Variants in EXOC4 observed in about 807,000 individuals in gnomAD.
EXOC4 encodes SEC8-like 1.
Under a neutral mutation model 107.2 loss-of-function variants are expected in EXOC4, and 71 were observed. That is an observed-to-expected ratio of 0.66 (90% CI 0.55 to 0.81). The LOEUF is 0.81. Among genes scored for constraint, EXOC4 ranks in the 30% least tolerant of loss-of-function variants. The probability of loss-of-function intolerance (pLI) is 0.00; values close to 1 mark genes in which losing one functional copy is unlikely to be tolerated. For missense variants in EXOC4, 1,108 were observed against 1,189.6 expected, an observed-to-expected ratio of 0.93 and a Z score of 1.01; for synonymous variants, 456 against 441.2, an observed-to-expected ratio of 1.03 and a Z score of -0.42.
chr7:134,049,725 C>G (rs1795737990), intron 17 of EXOC4, among the ~76,000 whole-genome samples: 1 of 152,166 alleles, frequency 6.6e-6, no homozygotes, highest in African/African-American at 2.4e-5. Context: ...CGCCAGAGAA[C>G]AAGGACTATG....
At chr7:133,417,097 T>C (rs1797494829) in intron 7 of EXOC4, among the ~76,000 whole-genome samples, 1 of 152,212 alleles carries the variant, frequency 6.6e-6, no homozygotes, top group African/African-American at 2.4e-5. Context: ...AAGAATAGCA[T>C]ACAGGGTGTG....
chr7:133,743,513 G>C (rs899667939), intron 10 of EXOC4, among the ~76,000 whole-genome samples: 1 of 152,158 alleles, frequency 6.6e-6, no homozygotes, highest in African/African-American at 2.4e-5. Flanking sequence ...ACTACTGGCA[G>C]TAGCCCACTC....
At chr7:133,854,231 C>G (rs911444612) in intron 11 of EXOC4, among the ~76,000 whole-genome samples, 1 of 152,134 alleles carries the variant, frequency 6.6e-6, no homozygotes, top group Non-Finnish European at 1.5e-5. Flanking sequence ...CTCCCTGTTC[C>G]TCAGGGTGAG....
intron 13 of EXOC4, among the ~76,000 whole-genome samples, chr7:133,935,836 G>A (rs1585260723): frequency 6.6e-6 from 1 of 152,060 alleles, no homozygotes; most frequent in South Asian, 2.1e-4. Context: ...AGTTACATGG[G>A]GGTTTGTTAT....
chr7:133,512,634 G>A (rs772782260), intron 9 of EXOC4, among the ~76,000 whole-genome samples: 5 of 152,004 alleles, frequency 3.3e-5, no homozygotes, highest in African/African-American at 4.8e-5. Context: ...AGAAGGTAGC[G>A]TAGTGAGGGA....
chr7:133,991,157 C>T (rs1473896793), intron 14 of EXOC4, among the ~76,000 whole-genome samples: 1 of 152,084 alleles, frequency 6.6e-6, no homozygotes, highest in Admixed American at 6.6e-5. Context: ...TTGCAGTTCC[C>T]TAATGATTAG....
At chr7:133,899,095 T>C (rs1352756233) in intron 12 of EXOC4, among the ~76,000 whole-genome samples, 1 of 145,976 alleles carries the variant, frequency 6.9e-6, no homozygotes, top group Non-Finnish European at 1.5e-5. Flanking sequence ...AATATAAAGC[T>C]TTTTTTTTTT....
intron 17 of EXOC4, among the ~76,000 whole-genome samples, chr7:134,016,036 A>G (rs1005942978): frequency 1.1e-4 from 16 of 152,176 alleles, no homozygotes; most frequent in Admixed American, 1.0e-3. Context: ...GAAGGAGTCA[A>G]GGATGACTCT....
chr7:133,708,722 G>A (rs10273248), intron 10 of EXOC4, among the ~76,000 whole-genome samples: 149,792 of 152,340 alleles, frequency 0.98, 73,720 homozygotes, highest in Middle Eastern at 1. Context: ...CAGCTTGTAA[G>A]TAACTGGAAA....
intron 9 of EXOC4, among the ~76,000 whole-genome samples, chr7:133,485,219 C>A (rs1799248629): frequency 6.6e-6 from 1 of 151,942 alleles, no homozygotes; most frequent in South Asian, 2.1e-4. Flanking sequence ...ATTTTCTCTT[C>A]AACTCCAGTC....
At chr7:133,503,597 T>C (rs1799615077) in intron 9 of EXOC4, among the ~76,000 whole-genome samples, 2 of 152,190 alleles carry the variant, frequency 1.3e-5, no homozygotes, top group Non-Finnish European at 2.9e-5. Flanking sequence ...AGAGTTGATC[T>C]TGTCAGATTT....
chr7:133,547,256 C>T (rs745584737), intron 9 of EXOC4, among the ~76,000 whole-genome samples: 3 of 152,104 alleles, frequency 2.0e-5, no homozygotes, highest in Admixed American at 6.6e-5. Flanking sequence ...GATAGCATTA[C>T]GTCTGAAAAA....
intron 10 of EXOC4, among the ~76,000 whole-genome samples, chr7:133,767,246 G>GA (rs1796157730): frequency 6.6e-6 from 1 of 151,746 alleles, no homozygotes; most frequent in Admixed American, 6.6e-5. Context: ...CTGGATCTTT[G>GA]GCTCCAGACA....
At chr7:133,518,506 G>C (rs1257291247) in intron 9 of EXOC4, among the ~76,000 whole-genome samples, 1 of 151,676 alleles carries the variant, frequency 6.6e-6, no homozygotes, top group East Asian at 1.9e-4. Flanking sequence ...TAACTTAAAA[G>C]AATTGAAAAC....
At chr7:133,413,384 G>T (rs769199419) in intron 7 of EXOC4, among the ~76,000 whole-genome samples, 1 of 152,118 alleles carries the variant, frequency 6.6e-6, no homozygotes, top group African/African-American at 2.4e-5. Context: ...GTTTTCTTGG[G>T]ACCAATGTAG....
intron 6 of EXOC4, among the ~76,000 whole-genome samples, chr7:133,371,061 G>T (rs1796365253): frequency 6.6e-6 from 1 of 152,184 alleles, no homozygotes. Flanking sequence ...AACTAAAAGA[G>T]AAAAGTTGAT....
At chr7:133,885,082 G>A (rs1247927660) in intron 11 of EXOC4, among the ~76,000 whole-genome samples, 3 of 152,086 alleles carry the variant, frequency 2.0e-5, no homozygotes, top group Non-Finnish European at 4.4e-5. Context: ...TTGGGAGGCC[G>A]AGACAGGCGG....
chr7:133,496,026 C>G (rs1424802205), intron 9 of EXOC4, among the ~76,000 whole-genome samples: 1 of 151,992 alleles, frequency 6.6e-6, no homozygotes, highest in Non-Finnish European at 1.5e-5. Flanking sequence ...GAAAAAGAGT[C>G]TAAGCTTTCC....
At chr7:133,550,387 A>G (rs1415306681) in intron 9 of EXOC4, among the ~76,000 whole-genome samples, 1 of 152,130 alleles carries the variant, frequency 6.6e-6, no homozygotes, top group Admixed American at 6.5e-5. Flanking sequence ...TTGTTTTATT[A>G]TACATTTGTG....
Sources: gnomAD v4.1 joint callset for allele counts (sites outside exome capture counted in the v4.1 genomes callset) on GRCh38, gnomAD v4.1.1 for gene constraint, MANE v1.5 for transcripts, NCBI Gene and HGNC (gene_info 2026-07-23, HGNC 2026-07-21) for gene names.